KCTD3: variants seen among roughly 807,000 people sequenced by gnomAD.
The protein encoded by KCTD3 is potassium channel tetramerization domain containing 3, also known as BTB/POZ domain-containing protein KCTD3.
Under a neutral mutation model 85.8 loss-of-function variants are expected in KCTD3, and 41 were observed. The observed-to-expected ratio is 0.48, with a 90% CI of 0.37 to 0.62. The LOEUF (loss-of-function observed/expected upper bound fraction) is 0.62. KCTD3 is among the 20% of genes least tolerant of loss of function. KCTD3 has a pLI of 0.00. For synonymous variants in KCTD3, 338 were observed against 345.4 expected, an observed-to-expected ratio of 0.98 and a Z score of 0.24; for missense variants, 724 against 989.9, an observed-to-expected ratio of 0.73 and a Z score of 3.60.
intron 13 of KCTD3, among the ~76,000 whole-genome samples, chr1:215,607,430 A>C (rs1400692755): frequency 6.6e-6 from 1 of 152,004 alleles, no homozygotes; most frequent in Non-Finnish European, 1.5e-5. Context: ...TTAATATTCT[A>C]TTCACAAAAT....
chr1:215,602,226 A>G (rs1352018853), intron 12 of KCTD3, 25 bp downstream of exon 12: 2 of 1,112,982 alleles, frequency 1.8e-6, no homozygotes, highest in Non-Finnish European at 2.7e-6. Context: ...AATTATATAC[A>G]TTCTTGACTT....
rs1177068120 is a variant in KCTD3 at position 215,619,167 on chromosome 1, A to C, written c.1762A>C (p.Thr588Pro). 1.9e-6 allele frequency: 3 copies of C among 1,613,868 alleles called. No individual in the cohort carries two copies. Among genetic ancestry groups the C allele is most frequent in the African/African-American group, 1.3e-5 (1 of 75,074 alleles). Residue 588 changes from threonine (T) to proline (P), a missense_variant, in exon 17 of 18, where the codon ACC becomes CCC. Physicochemically the swap from Thr to Pro is conservative, Grantham distance 38. Coordinates refer to ENST00000259154, the MANE Select transcript of KCTD3 (RefSeq NM_016121.5). The part of the protein sequence containing the change: ...KSEDKDVGGP[T>P]EEELLKLLDQ... ...GTTCTCCTAAGATGTAGGTGGTCCA[A>C]CCGAAGAAGAGCTACTCAAATTACT... is the stretch of plus-strand genomic sequence containing the variant.
chr1:215,615,968 G>C lies in KCTD3; in HGVS notation c.1563-2918G>C, dbSNP rs1383162507. ...GGCATTCCTTTCTCCCAGGGATGGG[G>C]CAGAACCCCTCTGTAGTGAGGGCCT... On this transcript the variant is annotated intron_variant, in intron 15 of 17. Transcript: ENST00000259154. Among the ~76,000 whole-genome samples, 91 of 152,160 alleles carry C rather than the reference G, an allele frequency of 6.0e-4. 2 individuals carry two copies. Among genetic ancestry groups the C allele is most frequent in the Non-Finnish European group, 2.5e-4 (17 of 68,020 alleles).
chr1:215,581,658 T>G (rs1354294593), intron 8 of KCTD3, among the ~76,000 whole-genome samples: 5 of 152,220 alleles, frequency 3.3e-5, no homozygotes, highest in Non-Finnish European at 7.3e-5. Flanking sequence ...TATTACATTT[T>G]CCAGTCTTTG....
Position 215,567,677 on chromosome 1 carries a change from C to T in KCTD3, c.-9C>T. ...AGGAGGGCGGCGAGCGCGTCCGGAG[C>T]CGCCGGAGATGGCGGGAGGGCACTG... On this transcript the variant is annotated 5_prime_UTR_variant, in exon 1 of 18. Transcript: ENST00000259154. 14 of 1,236,184 alleles carry T rather than the reference C, an allele frequency of 1.1e-5. No homozygotes were observed. The highest frequency in any genetic ancestry group is 1.4e-5 in the Non-Finnish European group (14 of 986,514). 76.6% of individuals were successfully genotyped at this position (1,236,184 alleles called of 1,614,324 possible).
At chr1:215,586,144 G>A (rs901914633) in intron 8 of KCTD3, among the ~76,000 whole-genome samples, 3 of 152,136 alleles carry the variant, frequency 2.0e-5, no homozygotes, top group Non-Finnish European at 2.9e-5. Context: ...GTGTGTGTGC[G>A]TGTGTGTAGA....
intron 11 of KCTD3, 56 bp downstream of exon 11, chr1:215,602,010 C>G: frequency 7.1e-7 from 1 of 1,403,476 alleles, no homozygotes; most frequent in Non-Finnish European, 1.0e-6. Context: ...TAAATGAGAA[C>G]AAGAAAACAT....
Position 215,595,487 on chromosome 1 carries a change from A to T in KCTD3, c.933+16A>T. The stretch of plus-strand genomic sequence containing the variant: ...GCACTGGCAGGTTAGTTTAAAGCAT[A>T]TTACAGAAGTGAAAATATTTCTGAA... On this transcript the variant is annotated intron_variant, in intron 10 of 17. Transcript: ENST00000259154. The T allele has an allele frequency of 7.1e-7, 1 of 1,402,626 alleles. No individual in the cohort carries two copies. 86.9% of individuals were successfully genotyped at this position (1,402,626 alleles called of 1,614,324 possible).
intron 15 of KCTD3, among the ~76,000 whole-genome samples, chr1:215,617,476 C>T (rs1655497197): frequency 6.6e-6 from 1 of 152,062 alleles, no homozygotes; most frequent in Non-Finnish European, 1.5e-5. Flanking sequence ...CGACTGCTTG[C>T]TTGGTGTTTG....
intron 8 of KCTD3, among the ~76,000 whole-genome samples, chr1:215,584,348 C>T (rs1306031941): frequency 6.6e-6 from 1 of 152,136 alleles, no homozygotes; most frequent in East Asian, 1.9e-4. Context: ...AAGCTTTAGT[C>T]TTATTATACT....
intron 5 of KCTD3, 130 bp from the exon 6 acceptor site, chr1:215,577,871 G>A (rs1659650946): frequency 1.4e-6 from 2 of 1,404,132 alleles, no homozygotes; most frequent in Admixed American, 2.0e-5. Context: ...GTAAAAAGAT[G>A]TTGTCAACTC....
chr1:215,583,703 G>C (rs1659909420), intron 8 of KCTD3, among the ~76,000 whole-genome samples: 1 of 152,072 alleles, frequency 6.6e-6, no homozygotes, highest in Non-Finnish European at 1.5e-5. Flanking sequence ...TTAATCCTAA[G>C]GGTTTCAGAG....
intron 7 of KCTD3, among the ~76,000 whole-genome samples, chr1:215,579,369 C>A (rs1659714788): frequency 6.6e-6 from 1 of 152,096 alleles, no homozygotes; most frequent in Non-Finnish European, 1.5e-5. Flanking sequence ...CTGGTAAGAG[C>A]CAGAGATTAA....
chr1:215,600,104 T>C (rs1434737809), intron 10 of KCTD3, among the ~76,000 whole-genome samples: 2 of 152,148 alleles, frequency 1.3e-5, no homozygotes, highest in Admixed American at 6.5e-5. Flanking sequence ...TTTACTGATA[T>C]CACTGAAAAG....
rs2102597398 is a variant in KCTD3, at chr1:215,608,036, T to C, written c.1329T>C (p.His443=). ...TGCTAGTCTGTGCAGATAATAATCA[T>C]GTCCGGACGTGGACAGTAACACGAT... ...HLVSVCADNN[H]VRTWTVTRFR... Residue 443 remains histidine (H), a synonymous_variant, in exon 14 of 18, where the codon CAT becomes CAC. Coordinates refer to ENST00000259154, the MANE Select transcript of KCTD3 (RefSeq NM_016121.5). 3 of 1,609,862 alleles carry C rather than the reference T, an allele frequency of 1.9e-6. No homozygotes were observed. The highest frequency in any genetic ancestry group is 1.1e-5 in the South Asian group (1 of 90,476).
rs751734594 is a variant in KCTD3, at chr1:215,611,829, T to C, written c.1470T>C (p.Pro490=). 2.5e-6 allele frequency: 4 copies of C among 1,598,164 alleles called. No homozygotes were observed. The highest frequency in any genetic ancestry group is 3.4e-6 in the Non-Finnish European group (4 of 1,170,318). ...CATTTTTGTTTTCTGATCAAGGACC[T>C]TTTGGAGAGCGAGACGATCAACAGG... ...GSYSSGNDIG[P]FGERDDQQVF... is the part of the protein sequence containing the mutation. The change falls in exon 15 of 18, where the codon CCT becomes CCC. Residue 490 remains proline, a synonymous_variant. Transcript: ENST00000259154.
Position 215,567,540 on chromosome 1 carries a change from TG to T in KCTD3, c.-141del. The T allele has an allele frequency of 3.1e-6, 1 of 327,696 alleles. No individual in the cohort carries two copies. The allele number at this position is 327,696 out of a possible 1,614,324, so 20.3% of individuals were successfully genotyped here. A position where few individuals can be genotyped will look rare whatever the true frequency, so the allele number is the denominator to read the frequency against. On this transcript the variant is annotated 5_prime_UTR_variant, in exon 1 of 18. Coordinates refer to ENST00000259154, the MANE Select transcript of KCTD3 (RefSeq NM_016121.5). ...GAGCCCCGCCCGGCCGCCGGGAAGG[TG>T]GGGGAAGCCCCGTGCACCCCCCGCC...
intron 14 of KCTD3, among the ~76,000 whole-genome samples, chr1:215,610,402 A>G (rs937517350): frequency 6.6e-6 from 1 of 151,928 alleles, no homozygotes; most frequent in African/African-American, 2.4e-5. Flanking sequence ...ATTCCAAGGA[A>G]AGGAGCCAGT....
chr1:215,588,642 A>G (rs910366082), intron 9 of KCTD3, among the ~76,000 whole-genome samples: 2 of 152,134 alleles, frequency 1.3e-5, no homozygotes, highest in Non-Finnish European at 2.9e-5. Flanking sequence ...CAACACTTTG[A>G]CTATTTCAGC....
Sources: gnomAD v4.1 joint callset for allele counts (sites outside exome capture counted in the v4.1 genomes callset) on GRCh38, gnomAD v4.1.1 for gene constraint, MANE v1.5 for transcripts, NCBI Gene and HGNC (gene_info 2026-07-23, HGNC 2026-07-21) for gene names.